DNAAF9: variants seen among roughly 807,000 people sequenced by gnomAD.
DNAAF9 encodes shulin.
A neutral mutation model predicts 167.0 loss-of-function variants in DNAAF9; 90 were observed. The ratio of observed to expected loss-of-function variants is 0.54; its 90% CI spans 0.45 to 0.64. The LOEUF (loss-of-function observed/expected upper bound fraction) is 0.64. Among genes scored for constraint, DNAAF9 ranks in the 30% least tolerant of loss-of-function variants. The pLI is 0.00. For synonymous variants in DNAAF9, 491 were observed against 508.8 expected, an observed-to-expected ratio of 0.96 and a Z score of 0.47; for missense variants, 1,315 against 1,442.2, an observed-to-expected ratio of 0.91 and a Z score of 1.43.
intron 17 of DNAAF9, among the ~76,000 whole-genome samples, chr20:3,317,560 C>A (rs1355419792): frequency 1.3e-5 from 2 of 151,814 alleles, no homozygotes; most frequent in Non-Finnish European, 2.9e-5. Flanking sequence ...AATATTTTGC[C>A]AACCTAACAG....
Position 3,256,199 on chromosome 20 carries a change from G to C in DNAAF9, c.3068C>G (p.Thr1023Ser). ...CAGTGTGTTGTAGCAGACCTCCATG[G>C]TCCTCTCAGAGTCTGTAAGGAGAAT... is the stretch of plus-strand genomic sequence containing the variant. The part of the protein sequence containing the change: ...GKVKFSDSER[T>S]MEVCYNTLAN... The change falls in exon 34 of 37, where the codon ACC becomes AGC. Residue 1023 changes from threonine (T) to serine (S), a missense_variant. By Grantham distance (58) the Thr-to-Ser change is moderately conservative. This residue lies in a region of DNAAF9 where 334 missense variants were observed against 429.7 expected (regional missense o/e 0.78). Coordinates refer to ENST00000252032, the MANE Select transcript of DNAAF9 (RefSeq NM_001009984.3). 6.2e-7 allele frequency: 1 copy of C among 1,613,600 alleles called. No homozygotes were observed. Among genetic ancestry groups the C allele is most frequent in the South Asian group, 1.1e-5 (1 of 91,060 alleles).
chr20:3,287,794 G>A lies in DNAAF9; in HGVS notation c.2328-4C>T. 2 of 1,614,078 alleles carry A rather than the reference G, an allele frequency of 1.2e-6. No individual in the cohort carries two copies. Among genetic ancestry groups the A allele is most frequent in the South Asian group, 1.1e-5 (1 of 91,070 alleles). On this transcript the variant is annotated splice_region_variant and splice_polypyrimidine_tract_variant and intron_variant, in intron 26 of 36. Coordinates refer to ENST00000252032, the MANE Select transcript of DNAAF9 (RefSeq NM_001009984.3). Reference sequence around the variant, plus strand: ...GATTTGGCGATACACCATCCATCTGGAAAGGTAAAAGGTAACCTCTGCATG... The same window carrying A: ...GATTTGGCGATACACCATCCATCTGAAAAGGTAAAAGGTAACCTCTGCATG...
Position 3,259,953 on chromosome 20 carries a change from C to T in DNAAF9, c.2949G>A (p.Leu983=). ...ATTTGGCCACAAAGCGAGTCTTCTC[C>T]AAGGGACGGCCAAACCATACGCAGA... ...VQICVWFGRP[L]EKTRFVAKCK... The change falls in exon 32 of 37, where the codon TTG becomes TTA. Residue 983 remains leucine, a synonymous_variant. Transcript: ENST00000252032. 1 of 1,612,094 alleles carries T rather than the reference C, an allele frequency of 6.2e-7. No homozygotes were observed. Among genetic ancestry groups the T allele is most frequent in the Non-Finnish European group, 8.5e-7 (1 of 1,178,080 alleles).
chr20:3,295,532 G>A (rs2069057180), intron 23 of DNAAF9: 1 of 276,760 alleles, frequency 3.6e-6, no homozygotes, highest in Admixed American at 4.5e-5. Flanking sequence ...TATTTATGTT[G>A]AATTCCCCAT....
At chr20:3,284,173 C>CTTT (rs200633758) in intron 27 of DNAAF9, among the ~76,000 whole-genome samples, 49 of 118,244 alleles carry the variant, frequency 4.1e-4, no homozygotes, top group Non-Finnish European at 5.4e-4. Flanking sequence ...TTACTAGAGT[C>CTTT]TTTTTTTTTT....
chr20:3,362,315 T>C, intron 6 of DNAAF9: 1 of 910,890 alleles, frequency 1.1e-6, no homozygotes, highest in South Asian at 1.5e-5. Flanking sequence ...GAGCCTGTGG[T>C]GGCTGCCATC....
intron 8 of DNAAF9, 81 bp downstream of exon 8, chr20:3,348,444 T>A (rs1185381693): frequency 2.7e-6 from 2 of 747,786 alleles, no homozygotes; most frequent in Non-Finnish European, 2.1e-6. Flanking sequence ...GTGTTGTATT[T>A]TGAAAAAAAT....
intron 8 of DNAAF9, 63 bp from the exon 9 acceptor site, chr20:3,343,794 CTCACA>C (rs2070133471): frequency 1.6e-5 from 20 of 1,244,662 alleles, no homozygotes; most frequent in Non-Finnish European, 1.9e-5. Context: ...CATAAAACCC[CTCACA>C]TATGTATGTA....
At chr20:3,278,001 C>G (rs888071907) in intron 29 of DNAAF9, among the ~76,000 whole-genome samples, 1 of 152,150 alleles carries the variant, frequency 6.6e-6, no homozygotes, top group South Asian at 2.1e-4. Flanking sequence ...GCTTGCTGGA[C>G]TAGCTCAGGA....
Position 3,315,665 on chromosome 20 carries a change from A to T in DNAAF9, c.1590+70T>A, listed in dbSNP as rs1248407843. On this transcript the variant is annotated intron_variant, in intron 19 of 36. Coordinates refer to ENST00000252032, the MANE Select transcript of DNAAF9 (RefSeq NM_001009984.3). The surrounding 1 kb of genome is among the most constrained non-coding windows in gnomAD (Gnocchi z 4.1). ...GATTAGTAGTGAGATGAAGCATTTT[A>T]ATACCTTTATGAATTGCTTACATTA... 1 of 1,215,718 alleles carries T rather than the reference A, an allele frequency of 8.2e-7. No homozygotes were observed. Among genetic ancestry groups the T allele is most frequent in the East Asian group, 2.3e-5 (1 of 43,064 alleles). The allele number at this position is 1,215,718 out of a possible 1,614,324, so 75.3% of individuals were successfully genotyped here.
At chr20:3,367,046 C>T (rs2083441054) in intron 6 of DNAAF9, among the ~76,000 whole-genome samples, 1 of 152,246 alleles carries the variant, frequency 6.6e-6, no homozygotes, top group Non-Finnish European at 1.5e-5. Flanking sequence ...TAGCTACCTT[C>T]ATCAACTATC....
chr20:3,282,007 T>C (rs1054013525), intron 27 of DNAAF9, among the ~76,000 whole-genome samples: 1 of 152,230 alleles, frequency 6.6e-6, no homozygotes, highest in African/African-American at 2.4e-5. Flanking sequence ...AGAACCACCC[T>C]GCTCTGGAGG....
Position 3,312,496 on chromosome 20 carries a change from A to C in DNAAF9, c.1678+2537T>G, listed in dbSNP as rs188289870. Reference sequence around the variant, plus strand: ...CGAGTTTTCACCTTCTATGGGACTCAGGATATGAAGATCAATAAAGATAAT... The same window carrying C: ...CGAGTTTTCACCTTCTATGGGACTCCGGATATGAAGATCAATAAAGATAAT... On this transcript the variant is annotated intron_variant, in intron 20 of 36. Transcript: ENST00000252032. Among the ~76,000 whole-genome samples the C allele has an allele frequency of 2.1e-3, 318 of 152,280 alleles. 1 individual carries two copies. The highest frequency in any genetic ancestry group is 6.8e-3 in the African/African-American group (284 of 41,572).
chr20:3,361,665 C>T (rs2083366810), intron 6 of DNAAF9, among the ~76,000 whole-genome samples: 1 of 152,208 alleles, frequency 6.6e-6, no homozygotes, highest in South Asian at 2.1e-4. Flanking sequence ...AGTGGCTACA[C>T]TTGACAGGAT....
At chr20:3,311,597 A>G (rs759475653) in intron 20 of DNAAF9, among the ~76,000 whole-genome samples, 5 of 152,208 alleles carry the variant, frequency 3.3e-5, no homozygotes, top group Non-Finnish European at 5.9e-5. Flanking sequence ...ATGATACTGC[A>G]TGTTCATACA....
At chr20:3,341,457 G>A (rs897928673) in intron 9 of DNAAF9, among the ~76,000 whole-genome samples, 1 of 152,118 alleles carries the variant, frequency 6.6e-6, no homozygotes, top group Non-Finnish European at 1.5e-5. Context: ...CCTGCAGCTT[G>A]CTGCTCCCTC....
intron 25 of DNAAF9, 81 bp from the exon 26 acceptor site, chr20:3,290,298 T>G: frequency 2.2e-6 from 2 of 894,326 alleles, no homozygotes; most frequent in Non-Finnish European, 1.9e-6. Flanking sequence ...TGACTTCTGG[T>G]GCCAAGCATT....
rs377113026 is a variant in DNAAF9 at position 3,379,050 on chromosome 20, G to A, written c.283+2329C>T. On this transcript the variant is annotated intron_variant, in intron 3 of 36. Coordinates refer to ENST00000252032, the MANE Select transcript of DNAAF9 (RefSeq NM_001009984.3). ...CCAAGAGCCCTTCCCTGAGTCATTC[G>A]TAGACCACCTGCAGAGGAATGAGAG... Among the ~76,000 whole-genome samples the A allele has an allele frequency of 4.6e-4, 70 of 151,726 alleles. 2 individuals are homozygous for A. The highest frequency in any genetic ancestry group is 3.1e-4 in the Non-Finnish European group (21 of 67,876).
Position 3,293,100 on chromosome 20 carries a change from T to C in DNAAF9, c.2238+1039A>G, listed in dbSNP as rs556764641. ...GACTCAAAAAAAAAAAAGACCATCC[T>C]GGCTAACACGGTGAAACCCCGTCTC... On this transcript the variant is annotated intron_variant, in intron 25 of 36. Transcript: ENST00000252032. Among the ~76,000 whole-genome samples, 47 of 150,434 alleles carry C rather than the reference T, an allele frequency of 3.1e-4. 1 individual carries two copies. In the South Asian group the frequency reaches 4.2e-3, roughly 13 times the overall value.
Sources: allele counts gnomAD v4.1 joint callset (sites outside exome capture counted in the v4.1 genomes callset), GRCh38; gene constraint gnomAD v4.1.1; regional missense constraint gnomAD v4.1.1; non-coding constraint Gnocchi (gnomAD v3.1); transcripts MANE v1.5; gene names NCBI Gene and HGNC (gene_info 2026-07-23, HGNC 2026-07-21).